SEPTIN8: variants seen among roughly 807,000 people sequenced by gnomAD.
SEPTIN8 encodes the protein septin 8, also known as septin-8.
SEPTIN8 carries 22 observed loss-of-function variants against 53.1 expected under a neutral mutation model. That is an observed-to-expected ratio of 0.41 (90% confidence interval 0.30 to 0.59). The LOEUF (loss-of-function observed/expected upper bound fraction) is 0.59. Ranked by LOEUF, SEPTIN8 falls within the 20% of genes least tolerant of loss-of-function variation. The pLI, the probability that SEPTIN8 is intolerant of heterozygous loss-of-function variation, is 0.24. For missense variants in SEPTIN8, 536 were observed against 638.7 expected (o/e 0.84, Z 1.73); for synonymous variants, 228 against 248.4 (o/e 0.92, Z 0.77).
intron 9 of SEPTIN8, among the ~76,000 whole-genome samples, chr5:132,755,500 A>AAG (rs1245986522): frequency 3.5e-4 from 54 of 152,316 alleles, no homozygotes; most frequent in African/African-American, 1.3e-3. Context: ...CAACTTCTCC[A>AAG]GTTACTTGCC....
chr5:132,751,032 A>G lies in SEPTIN8; in HGVS notation c.*984T>C. On this transcript the variant is annotated 3_prime_UTR_variant, in exon 10 of 10. Coordinates refer to ENST00000378719, the MANE Select transcript of SEPTIN8 (RefSeq NM_001098811.2). ...GAGGTGTTTACAGAGTCTACCCTAA[A>G]CTCGTTTGTGCCTTTGGAACAGCTG... 6.2e-7 allele frequency: 1 copy of G among 1,605,460 alleles called. No homozygotes were observed. The highest frequency in any genetic ancestry group is 1.1e-5 in the South Asian group (1 of 89,314).
rs373587209 is a variant in SEPTIN8 at position 132,761,782 on chromosome 5, T to C, written c.793+18A>G. ...AACTCAGTTCTACCCCCAGGATGCA[T>C]TTCCTGTCCACACTCACCCTGCACC... On this transcript the variant is annotated intron_variant, in intron 6 of 9. Coordinates refer to ENST00000378719, the MANE Select transcript of SEPTIN8 (RefSeq NM_001098811.2). This position sits in a 1 kb window ranked among gnomAD's most constrained non-coding sequence, Gnocchi z 5.8. 5 of 1,601,822 alleles carry C rather than the reference T, an allele frequency of 3.1e-6. No individual in the cohort carries two copies. The highest frequency in any genetic ancestry group is 1.7e-5 in the Admixed American group (1 of 58,370).
chr5:132,772,631 G>C (rs1223212457), intron 1 of SEPTIN8, among the ~76,000 whole-genome samples: 1 of 152,214 alleles, frequency 6.6e-6, no homozygotes, highest in African/African-American at 2.4e-5. Flanking sequence ...AAGGTGCCCC[G>C]CCTTCTGTCC....
At chr5:132,763,576 C>CA in intron 4 of SEPTIN8, 130 bp downstream of exon 4, 1 of 790,318 alleles carries the variant, frequency 1.3e-6, no homozygotes, top group Non-Finnish European at 2.1e-6. Flanking sequence ...AGGACCGAGC[C>CA]AATGGGGGGC....
At chr5:132,758,466 C>T (rs771688591) in intron 9 of SEPTIN8, 1 of 1,605,188 alleles carries the variant, frequency 6.2e-7, no homozygotes, top group Non-Finnish European at 8.5e-7. Context: ...ACAATTAGGC[C>T]TAGCATCCCG....
chr5:132,777,812 C>T (rs1033396204), upstream of SEPTIN8: 6 of 985,364 alleles, frequency 6.1e-6, no homozygotes, highest in Non-Finnish European at 7.2e-6. This position sits in a 1 kb window ranked among gnomAD's most constrained non-coding sequence, Gnocchi z 4.1. Context: ...GCGCGTCCGG[C>T]CAGGCGGCCT....
chr5:132,765,960 T>G (rs558608784), intron 1 of SEPTIN8, among the ~76,000 whole-genome samples: 1 of 152,148 alleles, frequency 6.6e-6, no homozygotes, highest in Non-Finnish European at 1.5e-5. Context: ...ATGCTGCCCC[T>G]GCCTAGTCCT....
At chr5:132,769,127 A>C (rs1219758791) in intron 1 of SEPTIN8, among the ~76,000 whole-genome samples, 3 of 152,212 alleles carry the variant, frequency 2.0e-5, no homozygotes, top group African/African-American at 7.2e-5. Context: ...AACTAAGCCA[A>C]GTGATTTACA....
intron 2 of SEPTIN8, among the ~76,000 whole-genome samples, chr5:132,764,791 T>C (rs1756412389): frequency 6.6e-6 from 1 of 151,984 alleles, no homozygotes; most frequent in South Asian, 2.1e-4. Context: ...GGGACCAGGG[T>C]GGTCATGGGA....
rs1209150813 is a variant in SEPTIN8 at position 132,773,481 on chromosome 5, G to A, written c.30+3627C>T. ...ATATATGCTTCCACCTAGCCCATCC[G>A]AGGGCTCAAAACGCCAAGGTATCCA... On this transcript the variant is annotated intron_variant, in intron 1 of 9. Transcript: ENST00000378719. This position sits in a 1 kb window ranked among gnomAD's most constrained non-coding sequence, Gnocchi z 4.2. 2.6e-5 allele frequency among the ~76,000 whole-genome samples: 4 copies of A among 152,136 alleles called. No homozygotes were observed. Among genetic ancestry groups the A allele is most frequent in the Non-Finnish European group, 4.4e-5 (3 of 68,024 alleles).
At chr5:132,764,099 G>A in intron 3 of SEPTIN8, 125 bp downstream of exon 3, 1 of 1,089,558 alleles carries the variant, frequency 9.2e-7, no homozygotes, top group Non-Finnish European at 1.3e-6. Flanking sequence ...TGACCACAGA[G>A]CCTCAGATAT....
chr5:132,775,386 A>G (rs1757698274), intron 1 of SEPTIN8, among the ~76,000 whole-genome samples: 1 of 152,186 alleles, frequency 6.6e-6, no homozygotes. Context: ...AATAGGTAGC[A>G]TATATTATTT....
At position 132,763,817 on chromosome 5, in the gene SEPTIN8, C is replaced by T. The variant is rs201704827; in HGVS notation, c.423G>A (p.Ser141=). ...TCCTTGTGTCATGGTAGTCGAAGAG[C>T]GAGCGGCGGATCTTCAGCTCCTCCT... is the stretch of plus-strand genomic sequence containing the variant. ...YLQEELKIRR[S]LFDYHDTRIH... Residue 141 remains serine (S), a synonymous_variant, in exon 4 of 10, where the codon TCG becomes TCA. Transcript: ENST00000378719. 8.3e-5 allele frequency: 134 copies of T among 1,611,318 alleles called. No homozygotes were observed. Among genetic ancestry groups the T allele is most frequent in the Admixed American group, 8.4e-5 (5 of 59,442 alleles).
At position 132,761,783 on chromosome 5, in the gene SEPTIN8, T is replaced by G; in HGVS notation, c.793+17A>C. On this transcript the variant is annotated intron_variant, in intron 6 of 9. Transcript: ENST00000378719. The surrounding 1 kb of genome is among the most constrained non-coding windows in gnomAD (Gnocchi z 5.8). ...ACTCAGTTCTACCCCCAGGATGCAT[T>G]TCCTGTCCACACTCACCCTGCACCA... 6.2e-7 allele frequency: 1 copy of G among 1,602,364 alleles called. No individual in the cohort carries two copies. Among genetic ancestry groups the G allele is most frequent in the Non-Finnish European group, 8.5e-7 (1 of 1,174,080 alleles).
At chr5:132,765,933 G>A (rs1366627653) in intron 1 of SEPTIN8, among the ~76,000 whole-genome samples, 1 of 152,186 alleles carries the variant, frequency 6.6e-6, no homozygotes, top group Non-Finnish European at 1.5e-5. Flanking sequence ...CCTGCAGCCA[G>A]CTCTAGGAGA....
intron 9 of SEPTIN8, chr5:132,756,129 G>GTAAC: frequency 1.0e-6 from 1 of 985,398 alleles, no homozygotes; most frequent in Non-Finnish European, 1.2e-6. Context: ...GCATGTTAAC[G>GTAAC]TAACAGACTA....
intron 9 of SEPTIN8, chr5:132,759,009 T>C (rs954164977): frequency 1.4e-5 from 10 of 738,020 alleles, no homozygotes; most frequent in Non-Finnish European, 2.5e-5. Context: ...GGTCAAGATC[T>C]GATTGGGAAG....
rs1757811887 is a variant in SEPTIN8 at position 132,776,545 on chromosome 5, C to A, written c.30+563G>T. On this transcript the variant is annotated intron_variant, in intron 1 of 9. Transcript: ENST00000378719. The surrounding 1 kb of genome is among the most constrained non-coding windows in gnomAD (Gnocchi z 4.4). ...GGCCTGACCTGCCTGGAGTCGCACC[C>A]AGGATTCCGGCGTGGGGAGCGGGGC... Among the ~76,000 whole-genome samples the A allele has an allele frequency of 6.6e-6, 1 of 152,108 alleles. No homozygotes were observed. The highest frequency in any genetic ancestry group is 6.5e-5 in the Admixed American group (1 of 15,282).
chr5:132,757,159 C>T (rs1387309652), intron 9 of SEPTIN8: 11 of 972,318 alleles, frequency 1.1e-5, no homozygotes, highest in Non-Finnish European at 1.2e-5. Context: ...AGACCCTGTA[C>T]CTAATTTTAT....
Sources: gnomAD v4.1 joint callset for allele counts (sites outside exome capture counted in the v4.1 genomes callset) on GRCh38, gnomAD v4.1.1 for gene constraint, Gnocchi (gnomAD v3.1) non-coding constraint, MANE v1.5 for transcripts, NCBI Gene and HGNC (gene_info 2026-07-23, HGNC 2026-07-21) for gene names.